ADAM11: variants seen among roughly 807,000 people sequenced by gnomAD.
The protein encoded by ADAM11 is ADAM metallopeptidase domain 11.
In ADAM11, 49 loss-of-function variants were observed where a neutral mutation model predicts 119.1. The ratio of observed to expected loss-of-function variants is 0.41; its 90% CI spans 0.33 to 0.52. The LOEUF (loss-of-function observed/expected upper bound fraction) is 0.52, where lower values mean the gene tolerates loss of function less well. Among genes scored for constraint, ADAM11 ranks in the 20% least tolerant of loss-of-function variants. The pLI is 0.20. For missense variants in ADAM11, 777 were observed against 1,047.5 expected, an observed-to-expected ratio of 0.74 and a Z score of 3.56; for synonymous variants, 364 against 408.0, an observed-to-expected ratio of 0.89 and a Z score of 1.30.
In ADAM11 at chr17:44,778,245, AAG is replaced by A; in HGVS notation, c.2276+7_2276+8del. The A allele has an allele frequency of 6.2e-7, 1 of 1,611,838 alleles. No homozygotes were observed. Among genetic ancestry groups the A allele is most frequent in the Non-Finnish European group, 8.5e-7 (1 of 1,179,116 alleles). On this transcript the variant is annotated splice_donor_5th_base_variant and intron_variant, in intron 25 of 26. Coordinates refer to ENST00000200557, the MANE Select transcript of ADAM11 (RefSeq NM_002390.6). ...GGCGGCACGGGCTGGGGATTTAAGT[AAG>A]AGACACACACACCCTGTGCCCCCTG... is the stretch of plus-strand genomic sequence containing the variant.
chr17:44,772,282 C>T lies in ADAM11; in HGVS notation c.559C>T (p.Leu187Phe). 1 of 1,608,146 alleles carries T rather than the reference C, an allele frequency of 6.2e-7. No individual in the cohort carries two copies. The highest frequency in any genetic ancestry group is 8.5e-7 in the Non-Finnish European group (1 of 1,177,094). The change falls in exon 7 of 27, where the codon CTC becomes TTC. Residue 187 changes from leucine (L) to phenylalanine (F), a missense_variant. Coordinates refer to ENST00000200557, the MANE Select transcript of ADAM11 (RefSeq NM_002390.6). This position sits in a 1 kb window ranked among gnomAD's most constrained non-coding sequence, Gnocchi z 4.5. ...WGAPQGPLPH[L>F]IYRTPLLPDP... ...CTCATTGCAGGGACCCCTTCCCCAC[C>T]TCATTTACCGGACCCCTCTCCTCCC...
Position 44,773,458 on chromosome 17 carries a change from C to T in ADAM11, c.992+31C>T. The T allele has an allele frequency of 6.2e-7, 1 of 1,604,594 alleles. No individual in the cohort carries two copies. The highest frequency in any genetic ancestry group is 8.5e-7 in the Non-Finnish European group (1 of 1,174,572). ...TCCCCCACCCTGCACCTCCTGCCAG[C>T]CTCTGCTAGTTGCTACAGTGCTTGG... On this transcript the variant is annotated intron_variant, in intron 11 of 26. Coordinates refer to ENST00000200557, the MANE Select transcript of ADAM11 (RefSeq NM_002390.6). This position sits in a 1 kb window ranked among gnomAD's most constrained non-coding sequence, Gnocchi z 4.6.
chr17:44,771,465 A>G lies in ADAM11; in HGVS notation c.382-119A>G, dbSNP rs1424772170. 7 of 1,006,700 alleles carry G rather than the reference A, an allele frequency of 7.0e-6. No individual in the cohort carries two copies. In the East Asian group the frequency reaches 1.5e-4, roughly 21 times the overall value. 62.4% of individuals were successfully genotyped at this position (1,006,700 alleles called of 1,614,324 possible). A position where few individuals can be genotyped will look rare whatever the true frequency, so the allele number is the denominator to read the frequency against. ...AAACAGGCTCCAGAGCCCCAGGCAT[A>G]CCCAGGGATTGTGGCCACCTGCACA... On this transcript the variant is annotated intron_variant, in intron 4 of 26. Transcript: ENST00000200557.
At position 44,777,174 on chromosome 17, in the gene ADAM11, G is replaced by A; in HGVS notation, c.1690G>A (p.Asp564Asn). 6.2e-7 allele frequency: 1 copy of A among 1,602,766 alleles called. No homozygotes were observed. Among genetic ancestry groups the A allele is most frequent in the Non-Finnish European group, 8.5e-7 (1 of 1,175,790 alleles). ...CQVLWGHAAADRFCYEKLNVE... is the reference protein window; with the variant it reads ...CQVLWGHAAANRFCYEKLNVE... ...GCATCCTCTCCCCACAGCGGCTGCT[G>A]ATCGCTTCTGCTACGAGAAGCTGAA... Residue 564 changes from aspartate to asparagine, a missense_variant, in exon 21 of 27, where the codon GAT becomes AAT. Physicochemically the swap from Asp to Asn is conservative, Grantham distance 23 (BLOSUM62 1). Around this residue, in one of 4 missense-constraint regions of ADAM11, gnomAD observed 348 missense variants for 486.7 expected, o/e 0.72. Coordinates refer to ENST00000200557, the MANE Select transcript of ADAM11 (RefSeq NM_002390.6). This position sits in a 1 kb window ranked among gnomAD's most constrained non-coding sequence, Gnocchi z 5.1.
rs1490486507 is a variant in ADAM11, at chr17:44,773,347, C to A, written c.912C>A (p.Asp304Glu). The change falls in exon 11 of 27, where the codon GAC becomes GAA. Residue 304 changes from aspartate (D) to glutamate (E), a missense_variant. Around this residue, in one of 4 missense-constraint regions of ADAM11, gnomAD observed 147 missense variants for 223.3 expected, o/e 0.66. Coordinates refer to ENST00000200557, the MANE Select transcript of ADAM11 (RefSeq NM_002390.6). This position sits in a 1 kb window ranked among gnomAD's most constrained non-coding sequence, Gnocchi z 4.6. ...ADGDKIQVQD[D>E]LLETLARLMV... Reference sequence around the variant, plus strand: ...GGGACAAGATCCAGGTGCAGGATGACCTCCTGGAGACCCTGGCCCGGCTCA... The same window carrying A: ...GGGACAAGATCCAGGTGCAGGATGAACTCCTGGAGACCCTGGCCCGGCTCA... 1 of 1,613,920 alleles carries A rather than the reference C, an allele frequency of 6.2e-7. No homozygotes were observed. Among genetic ancestry groups the A allele is most frequent in the Non-Finnish European group, 8.5e-7 (1 of 1,180,022 alleles).
rs1419923938 is a variant in ADAM11, at chr17:44,781,051, G to C, written c.*1297G>C. 6.6e-6 allele frequency: 1 copy of C among 152,356 alleles called. No homozygotes were observed. The highest frequency in any genetic ancestry group is 1.5e-5 in the Non-Finnish European group (1 of 68,078). The allele number at this position is 152,356 out of a possible 1,614,324, so 9.4% of individuals were successfully genotyped here. ...GAGCACTGGCTCCTTGACCCTAAAA[G>C]GTAGCTGGCAGGGGCAAGATGGGGG... On this transcript the variant is annotated 3_prime_UTR_variant, in exon 27 of 27. Coordinates refer to ENST00000200557, the MANE Select transcript of ADAM11 (RefSeq NM_002390.6).
rs55752145 is a variant in ADAM11 at position 44,776,685 on chromosome 17, G to A, written c.1567-60G>A. On this transcript the variant is annotated intron_variant, in intron 18 of 26. Transcript: ENST00000200557. This position sits in a 1 kb window ranked among gnomAD's most constrained non-coding sequence, Gnocchi z 5.2. The stretch of plus-strand genomic sequence containing the variant: ...CTTGGTACCCCAGCATTCCTCCCTG[G>A]GGCAGCCCTCAGCTCCAGTCCTGGG... The A allele has an allele frequency of 0.16, 261,200 of 1,592,534 alleles. 22,602 individuals carry two copies. The highest frequency in any genetic ancestry group is 0.25 in the South Asian group (22,439 of 89,722).
intron 26 of ADAM11, 104 bp downstream of exon 26, chr17:44,779,343 G>A: frequency 6.8e-7 from 1 of 1,481,328 alleles, no homozygotes; most frequent in Non-Finnish European, 8.9e-7. Flanking sequence ...CTGTTGATGG[G>A]GAGCGGGGGC....
rs897243838 is a variant in ADAM11 at position 44,776,727 on chromosome 17, C to T, written c.1567-18C>T. On this transcript the variant is annotated intron_variant, in intron 18 of 26. Coordinates refer to ENST00000200557, the MANE Select transcript of ADAM11 (RefSeq NM_002390.6). The surrounding 1 kb of genome is among the most constrained non-coding windows in gnomAD (Gnocchi z 5.2). ...AGTCCTGGGACTGCTCCGCTCAACCCCACCCCTCTCTCCACAGTGCCCGCC... is the reference window on the plus strand; with the variant it reads ...AGTCCTGGGACTGCTCCGCTCAACCTCACCCCTCTCTCCACAGTGCCCGCC... 6.2e-7 allele frequency: 1 copy of T among 1,613,736 alleles called. No individual in the cohort carries two copies. Among genetic ancestry groups the T allele is most frequent in the African/African-American group, 1.3e-5 (1 of 74,892 alleles).
chr17:44,772,123 G>C lies in ADAM11; in HGVS notation c.544-144G>C. 1 of 855,106 alleles carries C rather than the reference G, an allele frequency of 1.2e-6. No homozygotes were observed. The highest frequency in any genetic ancestry group is 1.8e-6 in the Non-Finnish European group (1 of 551,748). The allele number at this position is 855,106 out of a possible 1,614,324, so 53.0% of individuals were successfully genotyped here. A position where few individuals can be genotyped will look rare whatever the true frequency, so the allele number is the denominator to read the frequency against. On this transcript the variant is annotated intron_variant, in intron 6 of 26. Transcript: ENST00000200557. The surrounding 1 kb of genome is among the most constrained non-coding windows in gnomAD (Gnocchi z 4.5). Reference sequence around the variant, plus strand: ...CTTGACCCCGGAATCTGAGCATCTGGGAGATCAGATCCGACATGGGAGCTG... The same window carrying C: ...CTTGACCCCGGAATCTGAGCATCTGCGAGATCAGATCCGACATGGGAGCTG...
chr17:44,776,706 C>A lies in ADAM11; in HGVS notation c.1567-39C>A. ...CCTGGGGCAGCCCTCAGCTCCAGTCCTGGGACTGCTCCGCTCAACCCCACC... is the reference window on the plus strand; with the variant it reads ...CCTGGGGCAGCCCTCAGCTCCAGTCATGGGACTGCTCCGCTCAACCCCACC... On this transcript the variant is annotated intron_variant, in intron 18 of 26. Coordinates refer to ENST00000200557, the MANE Select transcript of ADAM11 (RefSeq NM_002390.6). This position sits in a 1 kb window ranked among gnomAD's most constrained non-coding sequence, Gnocchi z 5.2. 1 of 1,611,702 alleles carries A rather than the reference C, an allele frequency of 6.2e-7. No homozygotes were observed. The highest frequency in any genetic ancestry group is 1.1e-5 in the South Asian group (1 of 90,800).
At chr17:44,779,445 G>A in intron 26 of ADAM11, 9 of 985,312 alleles carry the variant, frequency 9.1e-6, no homozygotes, top group Non-Finnish European at 1.1e-5. Context: ...GCCCTCGCCC[G>A]CTCAGGCCAC....
At position 44,781,497 on chromosome 17, in the gene ADAM11, A is replaced by T. The variant is rs374961585; in HGVS notation, c.*1743A>T. On this transcript the variant is annotated 3_prime_UTR_variant, in exon 27 of 27. Transcript: ENST00000200557. ...TAAGGCATCTGTCCTCTGGTGGTGC[A>T]CCCGTGCACACAGGTACAGTGCATC... 2.6e-5 allele frequency: 4 copies of T among 152,300 alleles called. No individual in the cohort carries two copies. The highest frequency in any genetic ancestry group is 9.6e-5 in the African/African-American group (4 of 41,458). The allele number at this position is 152,300 out of a possible 1,614,324, so 9.4% of individuals were successfully genotyped here.
At position 44,759,720 on chromosome 17, in the gene ADAM11, A is replaced by G. The variant is rs2049365752; in HGVS notation, c.62-2A>G. On this transcript the variant is annotated splice_acceptor_variant, in intron 1 of 26. Coordinates refer to ENST00000200557, the MANE Select transcript of ADAM11 (RefSeq NM_002390.6). LOFTEE classifies it high-confidence loss of function. ...CCTGCAGCCATGGCCTTGTTTCCCC[A>G]GGTCTTGGGACCCAAGGTCCTGCTG... is the stretch of plus-strand genomic sequence containing the variant. 7.6e-7 allele frequency: 1 copy of G among 1,320,296 alleles called. No individual in the cohort carries two copies. The highest frequency in any genetic ancestry group is 9.7e-7 in the Non-Finnish European group (1 of 1,026,756). The allele number at this position is 1,320,296 out of a possible 1,614,324, so 81.8% of individuals were successfully genotyped here. A position where few individuals can be genotyped will look rare whatever the true frequency, so the allele number is the denominator to read the frequency against.
chr17:44,772,175 G>A lies in ADAM11; in HGVS notation c.544-92G>A, dbSNP rs548956119. 8.1e-7 allele frequency: 1 copy of A among 1,232,506 alleles called. No homozygotes were observed. Among genetic ancestry groups the A allele is most frequent in the African/African-American group, 1.5e-5 (1 of 66,702 alleles). The allele number at this position is 1,232,506 out of a possible 1,614,324, so 76.3% of individuals were successfully genotyped here. On this transcript the variant is annotated intron_variant, in intron 6 of 26. Coordinates refer to ENST00000200557, the MANE Select transcript of ADAM11 (RefSeq NM_002390.6). This position sits in a 1 kb window ranked among gnomAD's most constrained non-coding sequence, Gnocchi z 4.5. ...GGCCAGTTCTGGGTCACCCCAGGGT[G>A]GGGTGGAGGCGAGGGCTGGATCTGG...
intron 2 of ADAM11, among the ~76,000 whole-genome samples, chr17:44,761,661 C>T (rs992562228): frequency 1.6e-4 from 25 of 152,300 alleles, no homozygotes; most frequent in African/African-American, 5.3e-4. Flanking sequence ...CTAGGGCCCT[C>T]ATGGCGACCT....
chr17:44,765,530 A>G (rs1444874833), intron 2 of ADAM11, among the ~76,000 whole-genome samples: 1 of 148,920 alleles, frequency 6.7e-6, no homozygotes, highest in Admixed American at 6.7e-5. Flanking sequence ...CGTTATTATT[A>G]TTATTGACCC....
chr17:44,771,159 T>C (rs1363807564), intron 4 of ADAM11, among the ~76,000 whole-genome samples: 6 of 151,884 alleles, frequency 4.0e-5, no homozygotes, highest in Admixed American at 3.3e-4. Context: ...CTATGTGTGG[T>C]GGCACATGCC....
In ADAM11 at chr17:44,780,153, T is replaced by G; in HGVS notation, c.*399T>G. 3.5e-6 allele frequency: 2 copies of G among 567,888 alleles called. No homozygotes were observed. Among genetic ancestry groups the G allele is most frequent in the Non-Finnish European group, 3.3e-6 (1 of 298,906 alleles). The allele number at this position is 567,888 out of a possible 1,614,324, so 35.2% of individuals were successfully genotyped here. ...GCAGCTGAGACCAGGGTCTTACCTC[T>G]CTGGGACCTAGGGGGACGGGGCTGA... On this transcript the variant is annotated 3_prime_UTR_variant, in exon 27 of 27. Coordinates refer to ENST00000200557, the MANE Select transcript of ADAM11 (RefSeq NM_002390.6).
Sources: allele counts gnomAD v4.1 joint callset (sites outside exome capture counted in the v4.1 genomes callset), GRCh38; gene constraint gnomAD v4.1.1; regional missense constraint gnomAD v4.1.1; non-coding constraint Gnocchi (gnomAD v3.1); transcripts MANE v1.5; gene names NCBI Gene and HGNC (gene_info 2026-07-23, HGNC 2026-07-21).